TGS1: variants seen among roughly 807,000 people sequenced by gnomAD.
TGS1 encodes trimethylguanosine synthase 1.
In TGS1, 69 loss-of-function variants were observed where a neutral mutation model predicts 92.2. That is an observed-to-expected ratio of 0.75 (90% CI 0.62 to 0.91). TGS1 has a LOEUF of 0.91. Ranked by LOEUF, TGS1 falls within the 40% of genes least tolerant of loss-of-function variation. The pLI is 0.00. For missense variants in TGS1, 1,062 were observed against 1,001.2 expected (o/e 1.06, Z -0.82); for synonymous variants, 345 against 338.1 (o/e 1.02, Z -0.22).
At chr8:55,782,364 G>A (rs750810106) in intron 1 of TGS1, among the ~76,000 whole-genome samples, 7 of 151,994 alleles carry the variant, frequency 4.6e-5, no homozygotes, top group Non-Finnish European at 1.0e-4. Context: ...GTTTTCGATA[G>A]AGATGGGGTT....
intron 9 of TGS1, among the ~76,000 whole-genome samples, chr8:55,804,507 G>T (rs1225907230): frequency 6.6e-6 from 1 of 152,232 alleles, no homozygotes; most frequent in Non-Finnish European, 1.5e-5. Context: ...AACCTTAGGA[G>T]TGAAATAATT....
chr8:55,814,669 AAAAAAATATAT>A (rs1163059229), intron 12 of TGS1, among the ~76,000 whole-genome samples: 14 of 134,270 alleles, frequency 1.0e-4, no homozygotes, highest in Admixed American at 8.9e-4. Context: ...TAAAAAAAAA[AAAAAAATATAT>A]ATATATATAT....
At chr8:55,804,783 G>A (rs986143980) in intron 9 of TGS1, 110 bp from the exon 10 acceptor site, 12 of 937,626 alleles carry the variant, frequency 1.3e-5, no homozygotes, top group Non-Finnish European at 1.9e-5. Flanking sequence ...TTTTAAAAAG[G>A]GAAACTAAGC....
intron 6 of TGS1, among the ~76,000 whole-genome samples, chr8:55,794,112 C>CCTAAGAT (rs1192763241): frequency 6.6e-6 from 1 of 152,132 alleles, no homozygotes; most frequent in Non-Finnish European, 1.5e-5. Context: ...TAAATTGTTT[C>CCTAAGAT]CTAAGATCTA....
In TGS1 at chr8:55,811,287, AC is replaced by A. The variant is rs540234403; in HGVS notation, c.2360+194del. On this transcript the variant is annotated intron_variant, in intron 11 of 12. Coordinates refer to ENST00000260129, the MANE Select transcript of TGS1 (RefSeq NM_024831.8). The stretch of plus-strand genomic sequence containing the variant: ...AGACCAGCCTGGCCAACATGGTGAA[AC>A]CCCGTCTCTACTAAAAGTACAAAAA... Among the ~76,000 whole-genome samples the A allele has an allele frequency of 2.6e-4, 40 of 151,138 alleles. No homozygotes were observed. In the East Asian group the frequency reaches 7.6e-3, roughly 29 times the overall value.
intron 10 of TGS1, among the ~76,000 whole-genome samples, chr8:55,807,590 T>A (rs1025506614): frequency 6.6e-6 from 1 of 151,856 alleles, no homozygotes; most frequent in African/African-American, 2.4e-5. Flanking sequence ...TGTAGTGGCA[T>A]GATCAGGACT....
intron 6 of TGS1, among the ~76,000 whole-genome samples, chr8:55,793,487 CAA>C (rs879329833): frequency 1.3e-5 from 2 of 151,410 alleles, no homozygotes; most frequent in African/African-American, 4.8e-5. Context: ...GTGAGACTCT[CAA>C]AAAAAAGAGT....
chr8:55,821,149 T>TA (rs778744754), intron 12 of TGS1, among the ~76,000 whole-genome samples: 12 of 151,800 alleles, frequency 7.9e-5, no homozygotes, highest in South Asian at 4.2e-4. Context: ...GTTAAGTTTT[T>TA]AAAAAAAAAT....
At chr8:55,787,538 G>C (rs1028330173) in intron 4 of TGS1, among the ~76,000 whole-genome samples, 1 of 152,106 alleles carries the variant, frequency 6.6e-6, no homozygotes. Flanking sequence ...TTAATTTCAG[G>C]ATTCTCATCA....
chr8:55,788,754 G>A (rs1431857033), intron 4 of TGS1, among the ~76,000 whole-genome samples: 1 of 152,152 alleles, frequency 6.6e-6, no homozygotes, highest in East Asian at 1.9e-4. Context: ...ACCATGCACA[G>A]CCATCCTTTT....
In TGS1 at chr8:55,785,896, A is replaced by G. The variant is rs1350264978; in HGVS notation, c.339+5A>G. On this transcript the variant is annotated splice_donor_5th_base_variant and intron_variant, in intron 3 of 12. Transcript: ENST00000260129. ...ACTGCACATAAGGATTTTGAGGTAA[A>G]TATTAATTTACTTTTATTATTTCTC... 1.3e-6 allele frequency: 2 copies of G among 1,578,242 alleles called. No individual in the cohort carries two copies. The highest frequency in any genetic ancestry group is 1.7e-6 in the Non-Finnish European group (2 of 1,164,144).
chr8:55,774,682 A>C (rs757708635), intron 1 of TGS1, among the ~76,000 whole-genome samples: 2 of 152,132 alleles, frequency 1.3e-5, no homozygotes, highest in African/African-American at 2.4e-5. Flanking sequence ...ACATGTATTG[A>C]GTTTACTTCC....
At chr8:55,803,701 T>A (rs965958628) in intron 9 of TGS1, among the ~76,000 whole-genome samples, 46 of 151,294 alleles carry the variant, frequency 3.0e-4, no homozygotes, top group African/African-American at 1.1e-3. Context: ...TCTTTTTTTT[T>A]TTATTTTTTT....
At chr8:55,816,796 T>C (rs187048161) in intron 12 of TGS1, among the ~76,000 whole-genome samples, 462 of 152,308 alleles carry the variant, frequency 3.0e-3, no homozygotes, top group African/African-American at 9.5e-3. Flanking sequence ...AATTAACTAA[T>C]ACTTAAATAA....
chr8:55,821,061 G>A (rs752205329), intron 12 of TGS1, among the ~76,000 whole-genome samples: 28 of 152,124 alleles, frequency 1.8e-4, no homozygotes, highest in Non-Finnish European at 3.8e-4. Context: ...TAACATATAT[G>A]TAGTTGTGAA....
chr8:55,812,994 A>G, intron 11 of TGS1, 46 bp from the exon 12 acceptor site: 3 of 1,337,900 alleles, frequency 2.2e-6, no homozygotes, highest in Non-Finnish European at 3.2e-6. Flanking sequence ...CTTTCTGATT[A>G]GAAATTAGCT....
In TGS1 at chr8:55,825,970, C is replaced by T. The variant is rs1803784473; in HGVS notation, c.*1267C>T. Among the ~76,000 whole-genome samples the T allele has an allele frequency of 6.6e-6, 1 of 151,870 alleles. No homozygotes were observed. Among genetic ancestry groups the T allele is most frequent in the Admixed American group, 6.6e-5 (1 of 15,224 alleles). On this transcript the variant is annotated 3_prime_UTR_variant, in exon 13 of 13. Transcript: ENST00000260129. Reference sequence around the variant, plus strand: ...CTGCAACCTCCACCTCCTACCTCAGCCTCCCGAGTAGCTGGGACTACAGGC... The same window carrying T: ...CTGCAACCTCCACCTCCTACCTCAGTCTCCCGAGTAGCTGGGACTACAGGC...
Position 55,786,442 on chromosome 8 carries a change from C to G in TGS1, c.544C>G (p.Pro182Ala). Residue 182 changes from proline (P) to alanine (A), a missense_variant, in exon 4 of 13, where the codon CCT becomes GCT. Transcript: ENST00000260129. ...QSKKDTETEN[P>A]PVENTLSPKL... ...CAAAAAAGATACTGAGACAGAAAATCCTCCAGTTGAAAACACATTATCTCC... is the reference window on the plus strand; with the variant it reads ...CAAAAAAGATACTGAGACAGAAAATGCTCCAGTTGAAAACACATTATCTCC... 1 of 1,613,506 alleles carries G rather than the reference C, an allele frequency of 6.2e-7. No homozygotes were observed. Among genetic ancestry groups the G allele is most frequent in the Non-Finnish European group, 8.5e-7 (1 of 1,179,868 alleles).
intron 1 of TGS1, among the ~76,000 whole-genome samples, chr8:55,777,847 A>G (rs1456782020): frequency 2.6e-5 from 4 of 152,134 alleles, no homozygotes; most frequent in South Asian, 2.1e-4. Flanking sequence ...TACTATCGCA[A>G]TTATCCTAAA....
Sources: gnomAD v4.1 joint callset for allele counts (sites outside exome capture counted in the v4.1 genomes callset) on GRCh38, gnomAD v4.1.1 for gene constraint, MANE v1.5 for transcripts, NCBI Gene and HGNC (gene_info 2026-07-23, HGNC 2026-07-21) for gene names.